Variants in CNTNAP5 observed in about 807,000 individuals in gnomAD.
The protein encoded by CNTNAP5 is contactin associated protein family member 5, also known as contactin-associated protein-like 5.
Under a neutral mutation model 150.2 loss-of-function variants are expected in CNTNAP5, and 72 were observed. That is an observed-to-expected ratio of 0.48 (90% CI 0.40 to 0.58). CNTNAP5 has a LOEUF of 0.58. Among genes scored for constraint, CNTNAP5 ranks in the 20% least tolerant of loss-of-function variants. The pLI is 0.00. For missense variants in CNTNAP5, 1,636 were observed against 1,626.2 expected, an observed-to-expected ratio of 1.01 and a Z score of -0.10; for synonymous variants, 672 against 619.8, an observed-to-expected ratio of 1.08 and a Z score of -1.25.
chr2:124,872,572 C>CT lies in CNTNAP5; in HGVS notation c.3436+2819dup, dbSNP rs890463565. Reference sequence around the variant, plus strand: ...AATTTAGGACAATTTTAATTTCTCACTTTTTTTTTCTGAACAGAGAAGAAA... The same window carrying CT: ...AATTTAGGACAATTTTAATTTCTCACTTTTTTTTTTCTGAACAGAGAAGAAA... On this transcript the variant is annotated intron_variant, in intron 21 of 23. Transcript: ENST00000682447. Among the ~76,000 whole-genome samples the CT allele has an allele frequency of 1.9e-4, 29 of 150,884 alleles. No homozygotes were observed. The East Asian group carries it at 2.5e-3, about 13-fold the overall frequency.
At chr2:124,297,315 C>T (rs142458923) in intron 3 of CNTNAP5, among the ~76,000 whole-genome samples, 9 of 152,294 alleles carry the variant, frequency 5.9e-5, no homozygotes, top group Non-Finnish European at 1.2e-4. Flanking sequence ...TGACTTCCGT[C>T]GCAGCACCCC....
Position 124,728,890 on chromosome 2 carries a change from C to T in CNTNAP5, c.2078-18339C>T, listed in dbSNP as rs568156353. On this transcript the variant is annotated intron_variant, in intron 13 of 23. Coordinates refer to ENST00000682447, the MANE Select transcript of CNTNAP5 (RefSeq NM_001367498.1). ...TCTAATTTATAATCAAATATATAAG[C>T]TAGACTATTTTCTATTATCTGATGT... Among the ~76,000 whole-genome samples the T allele has an allele frequency of 2.0e-5, 3 of 152,092 alleles. No individual in the cohort carries two copies. The East Asian group carries it at 5.8e-4, about 29-fold the overall frequency.
At chr2:124,600,775 G>A (rs1034580139) in intron 11 of CNTNAP5, among the ~76,000 whole-genome samples, 3 of 149,670 alleles carry the variant, frequency 2.0e-5, no homozygotes, top group African/African-American at 7.4e-5. Context: ...GAGAAAGAGA[G>A]AGAAAGAGAG....
intron 3 of CNTNAP5, among the ~76,000 whole-genome samples, chr2:124,274,501 T>C (rs1390681492): frequency 1.3e-5 from 2 of 152,146 alleles, no homozygotes; most frequent in South Asian, 2.1e-4. Flanking sequence ...CAGGTTTTTT[T>C]TTCCGCTGGC....
intron 10 of CNTNAP5, among the ~76,000 whole-genome samples, chr2:124,541,455 G>A (rs945529441): frequency 5.9e-5 from 9 of 152,008 alleles, no homozygotes; most frequent in African/African-American, 2.2e-4. Flanking sequence ...AAACACCAGT[G>A]TAAAGGTGGG....
intron 3 of CNTNAP5, among the ~76,000 whole-genome samples, chr2:124,385,799 G>GC (rs773521323): frequency 4.8e-4 from 73 of 152,242 alleles, no homozygotes; most frequent in Middle Eastern, 3.4e-3. Flanking sequence ...CCCAAGAAGT[G>GC]CCCCCTGAGT....
intron 3 of CNTNAP5, among the ~76,000 whole-genome samples, chr2:124,285,241 C>T (rs985254465): frequency 1.3e-5 from 2 of 152,114 alleles, no homozygotes; most frequent in Admixed American, 6.6e-5. Context: ...CATGAGTTCC[C>T]TGGAGAATAA....
At chr2:124,185,927 T>C (rs529653699) in intron 1 of CNTNAP5, among the ~76,000 whole-genome samples, 1 of 152,362 alleles carries the variant, frequency 6.6e-6, no homozygotes, top group African/African-American at 2.4e-5. Flanking sequence ...AATGGATATA[T>C]TCAAATATTT....
intron 12 of CNTNAP5, among the ~76,000 whole-genome samples, chr2:124,626,907 C>G (rs546119986): frequency 2.6e-4 from 39 of 152,182 alleles, no homozygotes; most frequent in African/African-American, 8.4e-4. Context: ...TTTAGTTTTC[C>G]CCTGACAGTG....
At chr2:124,819,667 A>G (rs1310682804) in intron 19 of CNTNAP5, among the ~76,000 whole-genome samples, 1 of 152,200 alleles carries the variant, frequency 6.6e-6, no homozygotes, top group Non-Finnish European at 1.5e-5. Flanking sequence ...ATTAAGAACC[A>G]GGTTAGACCA....
At chr2:124,620,424 T>A (rs72841394) in intron 12 of CNTNAP5, among the ~76,000 whole-genome samples, 21,414 of 152,106 alleles carry the variant, frequency 0.14, 1,999 homozygotes, top group Middle Eastern at 0.22. Flanking sequence ...CATCTGTTCC[T>A]CACTGCCTTC....
At chr2:124,484,326 C>T (rs1693822563) in intron 7 of CNTNAP5, among the ~76,000 whole-genome samples, 2 of 152,138 alleles carry the variant, frequency 1.3e-5, no homozygotes, top group Admixed American at 1.3e-4. Flanking sequence ...CCTTTTATGT[C>T]ACTCATGGTG....
intron 23 of CNTNAP5, among the ~76,000 whole-genome samples, chr2:124,912,427 C>T (rs766010265): frequency 2.2e-4 from 34 of 152,040 alleles, no homozygotes; most frequent in African/African-American, 7.5e-4. Flanking sequence ...AATGAGCCAG[C>T]GAGGAGATGG....
chr2:124,566,221 G>A (rs1023529305), intron 11 of CNTNAP5, among the ~76,000 whole-genome samples: 3 of 152,090 alleles, frequency 2.0e-5, no homozygotes, highest in Non-Finnish European at 2.9e-5. Context: ...CAATTTAATA[G>A]CAAGACAAGG....
At chr2:124,496,740 G>A (rs1694157666) in intron 7 of CNTNAP5, among the ~76,000 whole-genome samples, 3 of 152,152 alleles carry the variant, frequency 2.0e-5, no homozygotes, top group South Asian at 4.1e-4. Flanking sequence ...TTCCTCTCAG[G>A]AATAATGAAG....
chr2:124,672,639 A>G (rs1398078516), intron 13 of CNTNAP5, among the ~76,000 whole-genome samples: 1 of 152,176 alleles, frequency 6.6e-6, no homozygotes, highest in African/African-American at 2.4e-5. Context: ...AACTTCTCAT[A>G]CTTTATAAAA....
chr2:124,490,400 AGAAAGG>A, intron 7 of CNTNAP5, among the ~76,000 whole-genome samples: 1 of 149,804 alleles, frequency 6.7e-6, no homozygotes, highest in South Asian at 2.2e-4. Context: ...GGAGGGAGGG[AGAAAGG>A]AAGGAAGGAA....
intron 21 of CNTNAP5, among the ~76,000 whole-genome samples, chr2:124,879,380 G>T (rs1239068272): frequency 6.6e-6 from 1 of 152,150 alleles, no homozygotes; most frequent in Admixed American, 6.6e-5. Context: ...TTACCTGAAA[G>T]GTTATCACAC....
chr2:124,756,764 A>C (rs1194964491), intron 14 of CNTNAP5, among the ~76,000 whole-genome samples: 1 of 152,074 alleles, frequency 6.6e-6, no homozygotes, highest in Admixed American at 6.6e-5. Flanking sequence ...TGGGGCCTGT[A>C]GGAGGGTTGG....
Sources: allele counts gnomAD v4.1 joint callset (sites outside exome capture counted in the v4.1 genomes callset), GRCh38; gene constraint gnomAD v4.1.1; transcripts MANE v1.5; gene names NCBI Gene and HGNC (gene_info 2026-07-23, HGNC 2026-07-21).